PAQR5: variants seen among roughly 807,000 people sequenced by gnomAD.
The protein encoded by PAQR5 is progestin and adipoQ receptor family member 5.
A neutral mutation model predicts 34.5 loss-of-function variants in PAQR5; 20 were observed. The observed-to-expected ratio is 0.58, with a 90% CI of 0.41 to 0.84. The LOEUF (loss-of-function observed/expected upper bound fraction) is 0.84, where lower values mean the gene tolerates loss of function less well. PAQR5 is among the 40% of genes least tolerant of loss of function. The pLI is 0.00. For missense variants in PAQR5, 378 were observed against 412.7 expected (o/e 0.92, Z 0.73); for synonymous variants, 131 against 155.6 (o/e 0.84, Z 1.18).
intron 2 of PAQR5, among the ~76,000 whole-genome samples, chr15:69,348,225 T>C (rs2054823012): frequency 6.6e-6 from 1 of 152,248 alleles, no homozygotes. Flanking sequence ...AAATTAATAA[T>C]AGGAAGTGTT....
chr15:69,379,622 G>C, intron 3 of PAQR5: 1 of 979,354 alleles, frequency 1.0e-6, no homozygotes, highest in Non-Finnish European at 1.2e-6. Context: ...AGTACGCCGG[G>C]GAATGCAAAG....
At chr15:69,313,073 T>A (rs554155622) in intron 1 of PAQR5, among the ~76,000 whole-genome samples, 1 of 152,346 alleles carries the variant, frequency 6.6e-6, no homozygotes, top group Admixed American at 6.5e-5. Context: ...GCTTGCCTAG[T>A]TCTCACGAAC....
In PAQR5 at chr15:69,404,721, G is replaced by T. The variant is rs565927529; in HGVS notation, c.*899G>T. On this transcript the variant is annotated 3_prime_UTR_variant, in exon 9 of 9. Transcript: ENST00000395407. ...CATTTCAAATATGTTGCAAAATTTA[G>T]TATCCATATGCATAAGAAGTTAATC... 2.6e-6 allele frequency: 1 copy of T among 386,126 alleles called. No homozygotes were observed. The highest frequency in any genetic ancestry group is 4.6e-6 in the Non-Finnish European group (1 of 218,784). The allele number at this position is 386,126 out of a possible 1,614,324, so 23.9% of individuals were successfully genotyped here. A position where few individuals can be genotyped will look rare whatever the true frequency, so the allele number is the denominator to read the frequency against.
chr15:69,337,585 C>T (rs1025627316), intron 2 of PAQR5, 84 bp downstream of exon 2: 1 of 152,238 alleles, frequency 6.6e-6, no homozygotes, highest in South Asian at 2.1e-4. Context: ...TTGCTCAACT[C>T]ATAGGTATTT....
At chr15:69,309,529 G>A (rs2053785235) in intron 1 of PAQR5, among the ~76,000 whole-genome samples, 1 of 152,160 alleles carries the variant, frequency 6.6e-6, no homozygotes, top group Admixed American at 6.5e-5. Context: ...GCCAGAAAGG[G>A]AAGTGGGTTT....
intron 1 of PAQR5, among the ~76,000 whole-genome samples, chr15:69,322,295 A>C (rs1433139973): frequency 6.7e-6 from 1 of 149,730 alleles, no homozygotes; most frequent in African/African-American, 2.5e-5. Context: ...CTGGCCATCC[A>C]TGGCTAACAT....
chr15:69,389,816 G>C (rs1229281043), intron 6 of PAQR5, 36 bp downstream of exon 6: 1 of 1,610,818 alleles, frequency 6.2e-7, no homozygotes, highest in Admixed American at 1.7e-5. Flanking sequence ...GGAGGGGAGG[G>C]AGGGTCTTGC....
chr15:69,299,302 G>T (rs962712912), intron 1 of PAQR5, among the ~76,000 whole-genome samples: 1 of 152,198 alleles, frequency 6.6e-6, no homozygotes, highest in African/African-American at 2.4e-5. Flanking sequence ...CGTGCAGAAG[G>T]CTCTCTGCTG....
intron 4 of PAQR5, among the ~76,000 whole-genome samples, chr15:69,382,465 T>G (rs997456531): frequency 2.0e-5 from 3 of 151,474 alleles, no homozygotes; most frequent in African/African-American, 7.3e-5. Context: ...GCCAACATGG[T>G]GAAACGCTGT....
intron 2 of PAQR5, among the ~76,000 whole-genome samples, chr15:69,337,730 C>A (rs9783689): frequency 1 from 151,761 of 152,338 alleles, 75,593 homozygotes; most frequent in Middle Eastern, 1. Context: ...TTATGCAAAT[C>A]ATCAGGCCAA....
intron 3 of PAQR5, among the ~76,000 whole-genome samples, chr15:69,360,704 C>T (rs1440779680): frequency 1.3e-5 from 2 of 152,214 alleles, no homozygotes; most frequent in South Asian, 2.1e-4. Flanking sequence ...TGGTTGTGTG[C>T]TACAGAGAAC....
At chr15:69,383,172 G>A (rs1056290177) in intron 4 of PAQR5, among the ~76,000 whole-genome samples, 7 of 152,204 alleles carry the variant, frequency 4.6e-5, no homozygotes, top group African/African-American at 1.2e-4. Context: ...ATTAGTCACC[G>A]CGGGGGAATG....
intron 2 of PAQR5, among the ~76,000 whole-genome samples, chr15:69,342,792 C>T (rs924215021): frequency 2.6e-5 from 4 of 152,312 alleles, no homozygotes; most frequent in African/African-American, 9.6e-5. Flanking sequence ...GCTCAGCCAC[C>T]CAGAGCCTGC....
chr15:69,380,880 T>C (rs2055866719), intron 4 of PAQR5, among the ~76,000 whole-genome samples: 1 of 152,030 alleles, frequency 6.6e-6, no homozygotes, highest in African/African-American at 2.4e-5. Flanking sequence ...CTCCCTCCAG[T>C]CATGTTGAGA....
Position 69,300,590 on chromosome 15 carries a change from CTTCTTTCTTTCTTTCTTTCT to C in PAQR5, c.-277+1577_-277+1596del, listed in dbSNP as rs71147600. 9.1e-3 allele frequency among the ~76,000 whole-genome samples: 382 copies of C among 42,076 alleles called. 80 individuals are homozygous for C. The highest frequency in any genetic ancestry group is 0.016 in the South Asian group (18 of 1,098). 27.6% of individuals were successfully genotyped at this position (42,076 alleles called of 152,430 possible). ...TTCTTTCTCTTTCTTTCTTTCTTTC[CTTCTTTCTTTCTTTCTTTCT>C]TTCTTTCTTTCTTTCTTTCTTTCTT... On this transcript the variant is annotated intron_variant, in intron 1 of 8. Coordinates refer to ENST00000395407, the MANE Select transcript of PAQR5 (RefSeq NM_017705.4).
chr15:69,404,034 G>T lies in PAQR5; in HGVS notation c.*212G>T. The T allele has an allele frequency of 1.9e-6, 1 of 528,814 alleles. No individual in the cohort carries two copies. The highest frequency in any genetic ancestry group is 3.3e-6 in the Non-Finnish European group (1 of 303,056). 32.8% of individuals were successfully genotyped at this position (528,814 alleles called of 1,614,324 possible). A position where few individuals can be genotyped will look rare whatever the true frequency, so the allele number is the denominator to read the frequency against. On this transcript the variant is annotated 3_prime_UTR_variant, in exon 9 of 9. Transcript: ENST00000395407. ...GTGTGTGATTTTAAAAGGAGAATAT[G>T]GTTCAAGCAAGTCCTTGTTAAGGCA... is the stretch of plus-strand genomic sequence containing the variant.
chr15:69,392,362 C>A (rs74898093), intron 6 of PAQR5, among the ~76,000 whole-genome samples: 1,631 of 152,240 alleles, frequency 0.011, 28 homozygotes, highest in African/African-American at 0.038. Flanking sequence ...TGCCTGGTGT[C>A]TTTGGAGGAA....
intron 1 of PAQR5, among the ~76,000 whole-genome samples, chr15:69,310,810 G>C (rs12442102): frequency 6.6e-6 from 1 of 151,698 alleles, no homozygotes; most frequent in East Asian, 1.9e-4. Flanking sequence ...AGGCCAAGGC[G>C]GGTGGATCAT....
chr15:69,348,121 C>CT (rs397969445), intron 2 of PAQR5, among the ~76,000 whole-genome samples: 2 of 152,120 alleles, frequency 1.3e-5, no homozygotes, highest in Admixed American at 1.3e-4. Context: ...AACCAAAGGC[C>CT]GCCTACTGGC....
Sources: gnomAD v4.1 joint callset for allele counts (sites outside exome capture counted in the v4.1 genomes callset) on GRCh38, gnomAD v4.1.1 for gene constraint, MANE v1.5 for transcripts, NCBI Gene and HGNC (gene_info 2026-07-23, HGNC 2026-07-21) for gene names.